Variants in ATP11A observed in about 807,000 individuals in gnomAD.
ATP11A encodes the protein ATPase phospholipid transporting 11A.
ATP11A carries 81 observed loss-of-function variants against 154.4 expected under a neutral mutation model. The ratio of observed to expected loss-of-function variants is 0.52; its 90% CI spans 0.44 to 0.63. The LOEUF is 0.63. Among genes scored for constraint, ATP11A ranks in the 30% least tolerant of loss-of-function variants. The pLI, the probability that ATP11A is intolerant of heterozygous loss-of-function variation, is 0.00. For missense variants in ATP11A, 1,316 were observed against 1,474.3 expected, an observed-to-expected ratio of 0.89 and a Z score of 1.76; for synonymous variants, 623 against 585.9, an observed-to-expected ratio of 1.06 and a Z score of -0.91.
chr13:112,787,898 T>C (rs2077696532), intron 2 of ATP11A, among the ~76,000 whole-genome samples: 1 of 149,230 alleles, frequency 6.7e-6, no homozygotes. Context: ...ACCAGTGTCC[T>C]CATGTGTAGA....
intron 16 of ATP11A, among the ~76,000 whole-genome samples, chr13:112,840,131 C>A (rs2079356757): frequency 1.3e-5 from 2 of 149,472 alleles, no homozygotes; most frequent in African/African-American, 2.5e-5. Flanking sequence ...TCCCCACTCT[C>A]CCGTGCCCTC....
At chr13:112,716,744 G>A (rs1888501771) in intron 1 of ATP11A, among the ~76,000 whole-genome samples, 1 of 152,226 alleles carries the variant, frequency 6.6e-6, no homozygotes, top group African/African-American at 2.4e-5. Context: ...GGCCCATCCT[G>A]GACTTGGGGG....
intron 2 of ATP11A, among the ~76,000 whole-genome samples, chr13:112,800,464 G>T (rs971869274): frequency 6.6e-6 from 1 of 151,964 alleles, no homozygotes; most frequent in Non-Finnish European, 1.5e-5. Context: ...TATAATCTGG[G>T]TGGGCCTACA....
At chr13:112,815,994 T>C in intron 5 of ATP11A, 89 bp from the exon 6 acceptor site, 1 of 1,560,960 alleles carries the variant, frequency 6.4e-7, no homozygotes. Flanking sequence ...TGTGAATAGA[T>C]GAGCAGCTTG....
intron 19 of ATP11A, among the ~76,000 whole-genome samples, chr13:112,855,590 T>C (rs2079898209): frequency 6.6e-6 from 1 of 152,118 alleles, no homozygotes; most frequent in Non-Finnish European, 1.5e-5. Flanking sequence ...ACCAAGAAGG[T>C]TGAGAGTAAA....
intron 2 of ATP11A, among the ~76,000 whole-genome samples, chr13:112,786,917 C>CA (rs2077644324): frequency 6.8e-6 from 1 of 146,238 alleles, no homozygotes; most frequent in Non-Finnish European, 1.5e-5. Flanking sequence ...TAATTCACAC[C>CA]GGTGTCCTGA....
At chr13:112,812,989 C>T (rs2078544579) in intron 5 of ATP11A, among the ~76,000 whole-genome samples, 1 of 152,158 alleles carries the variant, frequency 6.6e-6, no homozygotes, top group Non-Finnish European at 1.5e-5. Context: ...CAGTGTCTGC[C>T]CACAGAAAAT....
At chr13:112,712,621 G>A (rs969068048) in intron 1 of ATP11A, among the ~76,000 whole-genome samples, 2 of 152,152 alleles carry the variant, frequency 1.3e-5, no homozygotes, top group Non-Finnish European at 2.9e-5. Context: ...ACAGCCCCTC[G>A]ACTCCCTGCG....
intron 12 of ATP11A, 41 bp downstream of exon 12, chr13:112,826,932 C>G (rs193110943): frequency 2.4e-5 from 39 of 1,601,846 alleles, no homozygotes; most frequent in Admixed American, 2.0e-4. Flanking sequence ...TTATTAACAT[C>G]TGGGTGAGTC....
intron 17 of ATP11A, among the ~76,000 whole-genome samples, chr13:112,843,813 A>G (rs1363866901): frequency 6.6e-6 from 1 of 152,234 alleles, no homozygotes; most frequent in Non-Finnish European, 1.5e-5. Context: ...AATGCTGTCG[A>G]CGTGCGGATC....
At chr13:112,858,319 T>A (rs1434982352) in intron 22 of ATP11A, 29 bp downstream of exon 22, 1 of 1,594,808 alleles carries the variant, frequency 6.3e-7, no homozygotes, top group East Asian at 2.2e-5. Flanking sequence ...CCCCTCACGG[T>A]GTTAGCAACA....
chr13:112,796,325 C>T (rs2077997692), intron 2 of ATP11A, among the ~76,000 whole-genome samples: 1 of 152,218 alleles, frequency 6.6e-6, no homozygotes. Context: ...GACTATGACA[C>T]TGTCTGTGGC....
intron 1 of ATP11A, among the ~76,000 whole-genome samples, chr13:112,727,151 G>T (rs1348280038): frequency 6.6e-6 from 1 of 152,136 alleles, no homozygotes; most frequent in Admixed American, 6.5e-5. Flanking sequence ...AGGGTCAAGC[G>T]ATTCTTCTGC....
At chr13:112,823,924 T>C (rs2078864846) in intron 9 of ATP11A, among the ~76,000 whole-genome samples, 1 of 152,232 alleles carries the variant, frequency 6.6e-6, no homozygotes, top group Admixed American at 6.5e-5. Flanking sequence ...TCTGCCCCTG[T>C]AGTTCACATC....
chr13:112,803,224 A>G (rs1474318399), intron 2 of ATP11A, among the ~76,000 whole-genome samples: 1 of 152,260 alleles, frequency 6.6e-6, no homozygotes, highest in African/African-American at 2.4e-5. Flanking sequence ...AAAGACGCAC[A>G]TGGATTTCCT....
intron 14 of ATP11A, 46 bp downstream of exon 14, chr13:112,833,069 A>T: frequency 6.3e-7 from 1 of 1,581,674 alleles, no homozygotes; most frequent in Non-Finnish European, 8.6e-7. Context: ...GATGTGACTC[A>T]GCCCCTCCCC....
chr13:112,828,820 G>C lies in ATP11A; in HGVS notation c.1221+1929G>C, dbSNP rs562801786. Among the ~76,000 whole-genome samples, 3 of 152,210 alleles carry C rather than the reference G, an allele frequency of 2.0e-5. No individual in the cohort carries two copies. The East Asian group carries it at 5.8e-4, about 29-fold the overall frequency. On this transcript the variant is annotated intron_variant, in intron 12 of 29. Coordinates refer to ENST00000375645, the MANE Select transcript of ATP11A (RefSeq NM_015205.3). ...CAAGACGGGTGGACAAGCCCAAAAG[G>C]CAGGTTCATCTGACCGCAGCTCTGT...
intron 1 of ATP11A, among the ~76,000 whole-genome samples, chr13:112,743,108 A>T (rs1428843180): frequency 2.0e-5 from 3 of 152,190 alleles, no homozygotes; most frequent in African/African-American, 7.2e-5. Context: ...TCTGGGGAAG[A>T]TTCAGACTGG....
At position 112,690,307 on chromosome 13, in the gene ATP11A, G is replaced by C. The variant is rs1036654629; in HGVS notation, c.-110G>C. 2.4e-6 allele frequency: 2 copies of C among 837,028 alleles called. No individual in the cohort carries two copies. Among genetic ancestry groups the C allele is most frequent in the Non-Finnish European group, 3.0e-6 (2 of 660,308 alleles). 51.9% of individuals were successfully genotyped at this position (837,028 alleles called of 1,614,324 possible). ...CCCCCTGCACCGCCCGGCGCGCCGA[G>C]GCCGTGACCGGAGCGGGGGGCGCGG... is the stretch of plus-strand genomic sequence containing the variant. On this transcript the variant is annotated 5_prime_UTR_variant, in exon 1 of 30. Coordinates refer to ENST00000375645, the MANE Select transcript of ATP11A (RefSeq NM_015205.3). This position sits in a 1 kb window ranked among gnomAD's most constrained non-coding sequence, Gnocchi z 5.6.
Sources: allele counts gnomAD v4.1 joint callset (sites outside exome capture counted in the v4.1 genomes callset), GRCh38; gene constraint gnomAD v4.1.1; non-coding constraint Gnocchi (gnomAD v3.1); transcripts MANE v1.5; gene names NCBI Gene and HGNC (gene_info 2026-07-23, HGNC 2026-07-21).